LRP1B: variants seen among roughly 807,000 people sequenced by gnomAD.
The protein encoded by LRP1B is low-density lipoprotein receptor-related protein 1B.
In LRP1B, 217 loss-of-function variants were observed where a neutral mutation model predicts 556.6. The observed-to-expected ratio is 0.39, with a 90% CI of 0.35 to 0.44. The LOEUF is 0.44. LRP1B is among the 20% of genes least tolerant of loss of function. The pLI, the probability that LRP1B is intolerant of heterozygous loss-of-function variation, is 1.00. For synonymous variants in LRP1B, 2,047 were observed against 1,865.8 expected (o/e 1.10, Z -2.50); for missense variants, 5,053 against 5,620.8 (o/e 0.90, Z 3.23).
intron 35 of LRP1B, among the ~76,000 whole-genome samples, chr2:140,739,390 A>G (rs1300979715): frequency 6.6e-6 from 1 of 152,096 alleles, no homozygotes; most frequent in African/African-American, 2.4e-5. Context: ...CAGAATAGGT[A>G]CAATAAAACA....
intron 2 of LRP1B, among the ~76,000 whole-genome samples, chr2:141,756,498 T>C (rs1436148513): frequency 6.6e-6 from 1 of 151,176 alleles, no homozygotes; most frequent in Admixed American, 6.6e-5. Context: ...GGTTATAAGC[T>C]TAAAATATTT....
chr2:140,808,028 G>T (rs1690785665), intron 32 of LRP1B, among the ~76,000 whole-genome samples: 3 of 152,152 alleles, frequency 2.0e-5, no homozygotes, highest in Admixed American at 2.0e-4. Flanking sequence ...GGAGGTGGAG[G>T]TTGCAGTGAG....
At chr2:141,893,558 C>T (rs1699353582) in intron 1 of LRP1B, among the ~76,000 whole-genome samples, 1 of 152,038 alleles carries the variant, frequency 6.6e-6, no homozygotes. Context: ...AAATTTCAAA[C>T]TTTGAGAAAT....
At chr2:141,754,970 A>G (rs1694264700) in intron 2 of LRP1B, among the ~76,000 whole-genome samples, 3 of 152,066 alleles carry the variant, frequency 2.0e-5, no homozygotes, top group Non-Finnish European at 4.4e-5. Flanking sequence ...TTGATATAAG[A>G]TAACCCATAC....
At chr2:140,265,122 T>A (rs1187933601) in intron 86 of LRP1B, among the ~76,000 whole-genome samples, 1 of 151,998 alleles carries the variant, frequency 6.6e-6, no homozygotes, top group Non-Finnish European at 1.5e-5. Flanking sequence ...TTAAATTCAA[T>A]GTAAATAATA....
chr2:141,254,402 G>T lies in LRP1B; in HGVS notation c.463+120C>A, dbSNP rs1684383075. Reference sequence around the variant, plus strand: ...TGGGGGGGCAACTTTTAAATCTCAAGAAAGAAAAGTTAACATAAACACTGT... The same window carrying T: ...TGGGGGGGCAACTTTTAAATCTCAATAAAGAAAAGTTAACATAAACACTGT... On this transcript the variant is annotated intron_variant, in intron 4 of 90. Transcript: ENST00000389484. 14 of 993,516 alleles carry T rather than the reference G, an allele frequency of 1.4e-5. No individual in the cohort carries two copies. The Admixed American group carries it at 2.8e-4, about 20-fold the overall frequency. 61.5% of individuals were successfully genotyped at this position (993,516 alleles called of 1,614,324 possible). A position where few individuals can be genotyped will look rare whatever the true frequency, so the allele number is the denominator to read the frequency against.
intron 1 of LRP1B, among the ~76,000 whole-genome samples, chr2:141,934,656 T>C (rs1700586688): frequency 6.6e-6 from 1 of 152,092 alleles, no homozygotes; most frequent in Non-Finnish European, 1.5e-5. Context: ...TGGGGGCTGT[T>C]ACCTCCATGC....
chr2:141,476,524 C>T (rs1335797581), intron 3 of LRP1B, among the ~76,000 whole-genome samples: 2 of 152,048 alleles, frequency 1.3e-5, no homozygotes, highest in Admixed American at 6.6e-5. Context: ...TACTGTAAAA[C>T]TTTTATAAGC....
intron 87 of LRP1B, among the ~76,000 whole-genome samples, chr2:140,241,154 ACCT>A (rs1410733257): frequency 6.6e-6 from 1 of 150,836 alleles, no homozygotes; most frequent in Non-Finnish European, 1.5e-5. Flanking sequence ...TTACTATATT[ACCT>A]CCTTTGTTTT....
At chr2:141,371,767 G>A (rs1288838209) in intron 3 of LRP1B, among the ~76,000 whole-genome samples, 2 of 151,792 alleles carry the variant, frequency 1.3e-5, no homozygotes, top group Admixed American at 6.6e-5. Flanking sequence ...ATTTTTTTTG[G>A]TGGAGTCTTT....
intron 34 of LRP1B, among the ~76,000 whole-genome samples, chr2:140,769,566 G>A (rs1689233826): frequency 6.6e-6 from 1 of 151,832 alleles, no homozygotes; most frequent in African/African-American, 2.4e-5. Flanking sequence ...TGTTAAAATA[G>A]GAATTTATTA....
At chr2:141,134,684 C>T (rs7557761) in intron 7 of LRP1B, among the ~76,000 whole-genome samples, 150,047 of 151,000 alleles carry the variant, frequency 0.99, 74,556 homozygotes, top group Middle Eastern at 1. Flanking sequence ...CAGATCATTA[C>T]TTACCTTTAG....
At chr2:141,317,367 C>A (rs1573797089) in intron 3 of LRP1B, among the ~76,000 whole-genome samples, 1 of 152,136 alleles carries the variant, frequency 6.6e-6, no homozygotes, top group African/African-American at 2.4e-5. Context: ...TCTTCCTTGG[C>A]TTGCAGATGG....
intron 2 of LRP1B, among the ~76,000 whole-genome samples, chr2:141,487,820 A>G (rs1683176577): frequency 6.6e-6 from 1 of 152,184 alleles, no homozygotes; most frequent in Admixed American, 6.6e-5. Context: ...ATACAGTGAA[A>G]AGCATGTTAA....
At chr2:141,852,257 A>G (rs181213419) in intron 1 of LRP1B, among the ~76,000 whole-genome samples, 3 of 151,874 alleles carry the variant, frequency 2.0e-5, no homozygotes, top group Admixed American at 2.0e-4. Flanking sequence ...TTTGGTAATG[A>G]CAAAATACCT....
intron 66 of LRP1B, among the ~76,000 whole-genome samples, chr2:140,437,545 G>GT (rs1220704177): frequency 6.6e-6 from 1 of 152,160 alleles, no homozygotes; most frequent in African/African-American, 2.4e-5. Flanking sequence ...CAAAATATTT[G>GT]TAAGTGTGGA....
intron 41 of LRP1B, among the ~76,000 whole-genome samples, chr2:140,615,019 C>G (rs1459957106): frequency 2.6e-5 from 4 of 152,138 alleles, no homozygotes; most frequent in African/African-American, 9.6e-5. Flanking sequence ...CTTCCTGAAA[C>G]TAACTCCTTC....
chr2:140,854,867 G>T (rs1235720655), intron 27 of LRP1B, among the ~76,000 whole-genome samples: 2 of 152,122 alleles, frequency 1.3e-5, no homozygotes, highest in Non-Finnish European at 2.9e-5. Context: ...GATTACAGAG[G>T]CTATAAACTT....
intron 14 of LRP1B, among the ~76,000 whole-genome samples, chr2:141,009,308 A>G (rs1697671562): frequency 1.3e-5 from 2 of 151,954 alleles, no homozygotes; most frequent in African/African-American, 2.4e-5. Flanking sequence ...CTGAGGCCAG[A>G]TGAATTATGC....
Sources: gnomAD v4.1 joint callset for allele counts (sites outside exome capture counted in the v4.1 genomes callset) on GRCh38, gnomAD v4.1.1 for gene constraint, MANE v1.5 for transcripts, NCBI Gene and HGNC (gene_info 2026-07-23, HGNC 2026-07-21) for gene names.